The following PITPNC1 variants were observed in gnomAD, a reference collection of about 807,000 sequenced individuals.
PITPNC1 encodes cytoplasmic phosphatidylinositol transfer protein 1.
Under a neutral mutation model 44.7 loss-of-function variants are expected in PITPNC1, and 18 were observed. The ratio of observed to expected loss-of-function variants is 0.40; its 90% confidence interval spans 0.28 to 0.60. PITPNC1 has a LOEUF of 0.60. Ranked by LOEUF, PITPNC1 falls within the 20% of genes least tolerant of loss-of-function variation. The pLI, the probability that PITPNC1 is intolerant of heterozygous loss-of-function variation, is 0.39. For missense variants in PITPNC1, 290 were observed against 418.4 expected (o/e 0.69, Z 2.68); for synonymous variants, 141 against 149.6 (o/e 0.94, Z 0.42).
At chr17:67,634,363 G>A (rs2042006853) in intron 6 of PITPNC1, among the ~76,000 whole-genome samples, 1 of 152,082 alleles carries the variant, frequency 6.6e-6, no homozygotes, top group Non-Finnish European at 1.5e-5. Flanking sequence ...GCTCACTTGA[G>A]TTCAGGAGTT....
chr17:67,424,629 C>A (rs1428080399), intron 1 of PITPNC1, among the ~76,000 whole-genome samples: 1 of 152,074 alleles, frequency 6.6e-6, no homozygotes, highest in Non-Finnish European at 1.5e-5. Flanking sequence ...TGTGCTCCTG[C>A]TTGGGCGACA....
chr17:67,499,960 C>T (rs1385329550), intron 1 of PITPNC1, among the ~76,000 whole-genome samples: 1 of 152,192 alleles, frequency 6.6e-6, no homozygotes. Flanking sequence ...GAGCCTCCAT[C>T]GTTTTAAATA....
At chr17:67,400,771 G>A (rs1186263961) in intron 1 of PITPNC1, among the ~76,000 whole-genome samples, 2 of 149,994 alleles carry the variant, frequency 1.3e-5, no homozygotes, top group Non-Finnish European at 3.0e-5. Context: ...CATTTTAATC[G>A]ATATATATTT....
At chr17:67,447,812 A>C (rs1460108160) in intron 1 of PITPNC1, among the ~76,000 whole-genome samples, 1 of 151,984 alleles carries the variant, frequency 6.6e-6, no homozygotes. Context: ...GAAGGTGTTT[A>C]TTTCCTGAAA....
chr17:67,614,646 T>C (rs1188040664), intron 5 of PITPNC1, among the ~76,000 whole-genome samples: 1 of 148,622 alleles, frequency 6.7e-6, no homozygotes, highest in African/African-American at 2.5e-5. Flanking sequence ...CACTCCAGCC[T>C]GGGCAACAGA....
intron 4 of PITPNC1, among the ~76,000 whole-genome samples, chr17:67,558,591 G>A (rs986216784): frequency 6.6e-6 from 1 of 152,074 alleles, no homozygotes; most frequent in Admixed American, 6.6e-5. Flanking sequence ...TAAGTTACAG[G>A]AAATGGATAG....
At chr17:67,462,399 T>C (rs993057852) in intron 1 of PITPNC1, among the ~76,000 whole-genome samples, 3 of 151,804 alleles carry the variant, frequency 2.0e-5, no homozygotes, top group Admixed American at 1.3e-4. Flanking sequence ...GTCCAGCTAA[T>C]TGTTGTATTT....
intron 8 of PITPNC1, among the ~76,000 whole-genome samples, chr17:67,690,561 C>T (rs1002673688): frequency 6.6e-6 from 1 of 152,058 alleles, no homozygotes; most frequent in Non-Finnish European, 1.5e-5. Flanking sequence ...TGGTTATTCC[C>T]TCCAATATTA....
chr17:67,634,141 G>A (rs988804898), intron 6 of PITPNC1, among the ~76,000 whole-genome samples: 1 of 152,100 alleles, frequency 6.6e-6, no homozygotes, highest in Non-Finnish European at 1.5e-5. Flanking sequence ...GTCACTCATG[G>A]GCACGTCCGT....
intron 1 of PITPNC1, among the ~76,000 whole-genome samples, chr17:67,473,429 C>T (rs543521915): frequency 2.6e-4 from 40 of 151,000 alleles, no homozygotes; most frequent in Non-Finnish European, 5.0e-4. Flanking sequence ...CCTGGGTTCA[C>T]GCCATTCTCC....
chr17:67,585,188 G>T (rs1401747653), intron 5 of PITPNC1, among the ~76,000 whole-genome samples: 3 of 151,828 alleles, frequency 2.0e-5, no homozygotes, highest in Non-Finnish European at 4.4e-5. Flanking sequence ...CAGATAATAG[G>T]CAAGTAAACA....
At chr17:67,398,518 G>A (rs1256956732) in intron 1 of PITPNC1, among the ~76,000 whole-genome samples, 2 of 152,108 alleles carry the variant, frequency 1.3e-5, no homozygotes, top group Non-Finnish European at 2.9e-5. Context: ...GGGTGTTGTG[G>A]AGAAGAATTG....
In PITPNC1 at chr17:67,666,511, T is replaced by C. The variant is rs184195812; in HGVS notation, c.463-2997T>C. Among the ~76,000 whole-genome samples the C allele has an allele frequency of 1.6e-4, 24 of 152,250 alleles. No homozygotes were observed. In the South Asian group the frequency reaches 4.4e-3, roughly 28 times the overall value. The stretch of plus-strand genomic sequence containing the variant: ...GAAAAGATGCCAGAAAAATAAGTAA[T>C]AACATCAAAGGCCTTGTACCTCCTT... On this transcript the variant is annotated intron_variant, in intron 6 of 8. Transcript: ENST00000581322.
At chr17:67,417,651 T>A (rs958539928) in intron 1 of PITPNC1, among the ~76,000 whole-genome samples, 5 of 152,200 alleles carry the variant, frequency 3.3e-5, no homozygotes, top group Non-Finnish European at 7.3e-5. Flanking sequence ...TTTGCACAGC[T>A]CTTAAGTTAT....
At chr17:67,456,382 A>C (rs2039254939) in intron 1 of PITPNC1, among the ~76,000 whole-genome samples, 1 of 152,094 alleles carries the variant, frequency 6.6e-6, no homozygotes, top group Non-Finnish European at 1.5e-5. Context: ...GCTATTAATA[A>C]CCTGTTTTTT....
intron 1 of PITPNC1, among the ~76,000 whole-genome samples, chr17:67,396,052 CTTT>C (rs2038215689): frequency 1.3e-5 from 2 of 152,172 alleles, no homozygotes; most frequent in African/African-American, 4.8e-5. Context: ...TGTAATTATG[CTTT>C]TCAGCAGCAT....
At chr17:67,548,288 A>G (rs2040711709) in intron 2 of PITPNC1, among the ~76,000 whole-genome samples, 1 of 152,112 alleles carries the variant, frequency 6.6e-6, no homozygotes, top group Admixed American at 6.5e-5. Flanking sequence ...TTTTATACCA[A>G]CGTTTAAAAG....
intron 1 of PITPNC1, among the ~76,000 whole-genome samples, chr17:67,441,785 T>G (rs1052538291): frequency 6.6e-6 from 1 of 152,162 alleles, no homozygotes; most frequent in Non-Finnish European, 1.5e-5. Flanking sequence ...TATTCATCAG[T>G]GCGCCCTGCT....
intron 6 of PITPNC1, among the ~76,000 whole-genome samples, chr17:67,666,269 T>C (rs2042421112): frequency 6.6e-6 from 1 of 152,238 alleles, no homozygotes; most frequent in African/African-American, 2.4e-5. Context: ...GTATTGGGAT[T>C]AAAGGCGTGA....
Sources: gnomAD v4.1 joint callset for allele counts (sites outside exome capture counted in the v4.1 genomes callset) on GRCh38, gnomAD v4.1.1 for gene constraint, MANE v1.5 for transcripts, NCBI Gene and HGNC (gene_info 2026-07-23, HGNC 2026-07-21) for gene names.